KIAA0232: variants seen among roughly 807,000 people sequenced by gnomAD.
KIAA0232 encodes uncharacterized protein KIAA0232.
Under a neutral mutation model 122.0 loss-of-function variants are expected in KIAA0232, and 27 were observed. That is an observed-to-expected ratio of 0.22 (90% CI 0.16 to 0.31). The LOEUF (loss-of-function observed/expected upper bound fraction) is 0.31. Among genes scored for constraint, KIAA0232 ranks in the 10% least tolerant of loss-of-function variants. The pLI is 1.00. For synonymous variants in KIAA0232, 613 were observed against 587.6 expected, an observed-to-expected ratio of 1.04 and a Z score of -0.63; for missense variants, 1,551 against 1,634.2, an observed-to-expected ratio of 0.95 and a Z score of 0.88.
intron 4 of KIAA0232, among the ~76,000 whole-genome samples, chr4:6,853,789 T>C (rs1426016026): frequency 6.6e-6 from 1 of 152,120 alleles, no homozygotes; most frequent in Non-Finnish European, 1.5e-5. Context: ...GGATGGGAAG[T>C]ATGGAGAAGA....
intron 2 of KIAA0232, among the ~76,000 whole-genome samples, chr4:6,813,562 C>A (rs1458331952): frequency 6.6e-6 from 1 of 151,916 alleles, no homozygotes; most frequent in Admixed American, 6.6e-5. Context: ...TGGGGTTTCA[C>A]CGTGTTAGCC....
rs533845735 is a variant in KIAA0232 at position 6,880,377 on chromosome 4, C to T, written c.4009-410C>T. Reference sequence around the variant, plus strand: ...TTCCCAACACACCCGTCTGCAGTGCCCCCCTCACCATCGGTACTGTGTCAC... The same window carrying T: ...TTCCCAACACACCCGTCTGCAGTGCTCCCCTCACCATCGGTACTGTGTCAC... On this transcript the variant is annotated intron_variant, in intron 9 of 9. Transcript: ENST00000307659. 6.1e-3 allele frequency among the ~76,000 whole-genome samples: 907 copies of T among 148,164 alleles called. 36 individuals are homozygous for T. The highest frequency in any genetic ancestry group is 0.022 in the African/African-American group (842 of 38,388).
intron 2 of KIAA0232, among the ~76,000 whole-genome samples, chr4:6,822,841 A>G (rs1718485613): frequency 6.6e-6 from 1 of 150,516 alleles, no homozygotes; most frequent in Non-Finnish European, 1.5e-5. Context: ...GGTTAGTTAC[A>G]TATGTATACA....
intron 3 of KIAA0232, among the ~76,000 whole-genome samples, chr4:6,825,437 C>T (rs914900663): frequency 5.3e-5 from 8 of 151,982 alleles, no homozygotes; most frequent in Non-Finnish European, 8.8e-5. Flanking sequence ...GTAGTCAGTC[C>T]GTAGCTACTC....
At chr4:6,873,476 G>A (rs1047802153) in intron 8 of KIAA0232, among the ~76,000 whole-genome samples, 1 of 152,246 alleles carries the variant, frequency 6.6e-6, no homozygotes, top group Non-Finnish European at 1.5e-5. Context: ...GGACCTCTCA[G>A]GAAGAGCTAG....
At position 6,824,373 on chromosome 4, in the gene KIAA0232, G is replaced by A. The variant is rs752140729; in HGVS notation, c.-81G>A. On this transcript the variant is annotated 5_prime_UTR_variant, in exon 3 of 10. The change creates a new upstream start codon in the 5' untranslated region. Transcript: ENST00000307659. Reference sequence around the variant, plus strand: ...TCAAGCATCTCTACTTTTTACTGGAGTGAAAATCCCCTCCAGATACCAACA... The same window carrying A: ...TCAAGCATCTCTACTTTTTACTGGAATGAAAATCCCCTCCAGATACCAACA... 2.5e-4 allele frequency: 298 copies of A among 1,173,144 alleles called. No homozygotes were observed. Among genetic ancestry groups the A allele is most frequent in the Non-Finnish European group, 3.5e-4 (271 of 780,502 alleles). 72.7% of individuals were successfully genotyped at this position (1,173,144 alleles called of 1,614,324 possible). A position where few individuals can be genotyped will look rare whatever the true frequency, so the allele number is the denominator to read the frequency against.
At chr4:6,789,833 C>T (rs62289425) in intron 1 of KIAA0232, among the ~76,000 whole-genome samples, 24,100 of 151,688 alleles carry the variant, frequency 0.16, 2,287 homozygotes, top group East Asian at 0.27. Flanking sequence ...TTGAGATGTG[C>T]CTGGGCAACA....
At chr4:6,828,043 A>G (rs1175879276) in intron 3 of KIAA0232, among the ~76,000 whole-genome samples, 1 of 152,218 alleles carries the variant, frequency 6.6e-6, no homozygotes, top group East Asian at 1.9e-4. Context: ...TTCTGATGAA[A>G]GCAATGTCTT....
At position 6,861,130 on chromosome 4, in the gene KIAA0232, A is replaced by G. The variant is rs1403447236; in HGVS notation, c.748A>G (p.Lys250Glu). Reference sequence around the variant, plus strand: ...CACTGTGCATGAGAAAACCCAGAGCAAAAGCAAAAACGAGAAGGAAAACAA... The same window carrying G: ...CACTGTGCATGAGAAAACCCAGAGCGAAAGCAAAAACGAGAAGGAAAACAA... ...PTTVHEKTQS[K>E]SKNEKENKFS... Residue 250 changes from lysine (K) to glutamate (E), a missense_variant, in exon 7 of 10, where the codon AAA becomes GAA. This residue lies in a region of KIAA0232 where 377 missense variants were observed against 381.7 expected (regional missense o/e 0.99). Coordinates refer to ENST00000307659, the MANE Select transcript of KIAA0232 (RefSeq NM_014743.3). 6.2e-7 allele frequency: 1 copy of G among 1,614,238 alleles called. No individual in the cohort carries two copies. Among genetic ancestry groups the G allele is most frequent in the Admixed American group, 1.7e-5 (1 of 60,030 alleles).
At chr4:6,844,142 G>C (rs1338354960) in intron 4 of KIAA0232, among the ~76,000 whole-genome samples, 1 of 151,388 alleles carries the variant, frequency 6.6e-6, no homozygotes, top group African/African-American at 2.4e-5. Flanking sequence ...GGGTATCACC[G>C]TGTTAGCCAG....
intron 2 of KIAA0232, 47 bp from the exon 3 acceptor site, chr4:6,824,138 A>G (rs1718557031): frequency 2.3e-6 from 1 of 425,872 alleles, no homozygotes; most frequent in Non-Finnish European, 4.1e-6. Flanking sequence ...TCAATAATTT[A>G]TTATTTATAT....
intron 1 of KIAA0232, among the ~76,000 whole-genome samples, chr4:6,801,716 A>G (rs996713312): frequency 4.6e-5 from 7 of 152,270 alleles, no homozygotes; most frequent in Middle Eastern, 6.8e-3. Flanking sequence ...AGTGGCTTAC[A>G]GTGCTTAGGA....
Position 6,862,026 on chromosome 4 carries a change from G to C in KIAA0232, c.1644G>C (p.Glu548Asp), listed in dbSNP as rs1298937866. 6.2e-7 allele frequency: 1 copy of C among 1,614,062 alleles called. No individual in the cohort carries two copies. Among genetic ancestry groups the C allele is most frequent in the Non-Finnish European group, 8.5e-7 (1 of 1,180,044 alleles). ...AAAGCAAAGAGAACACAGATTTTGA[G>C]GCAGAATGTTGCATAGTGTTAGATG... ...RQKSKENTDF[E>D]AECCIVLDGM... Residue 548 changes from glutamate to aspartate, a missense_variant, in exon 7 of 10, where the codon GAG becomes GAC. Transcript: ENST00000307659.
intron 4 of KIAA0232, among the ~76,000 whole-genome samples, chr4:6,844,345 C>G (rs1466210665): frequency 1.3e-5 from 2 of 151,994 alleles, no homozygotes; most frequent in African/African-American, 2.4e-5. Context: ...TTTAAAAAAG[C>G]CTACCCTTTC....
chr4:6,843,116 T>G (rs1395451378), intron 4 of KIAA0232, among the ~76,000 whole-genome samples: 2 of 152,246 alleles, frequency 1.3e-5, no homozygotes, highest in Admixed American at 6.5e-5. Context: ...TTCAGTTTCC[T>G]GAAATAACAA....
chr4:6,871,458 A>C, intron 7 of KIAA0232, 116 bp from the exon 8 acceptor site: 2 of 630,336 alleles, frequency 3.2e-6, no homozygotes, highest in Non-Finnish European at 5.6e-6. Context: ...AAAAATCAAA[A>C]AACCTCACCA....
chr4:6,860,904 C>T lies in KIAA0232; in HGVS notation c.522C>T (p.Tyr174=), dbSNP rs774543310. Residue 174 remains tyrosine, a synonymous_variant, in exon 7 of 10, where the codon TAC becomes TAT. Transcript: ENST00000307659. ...AAGTCTTTACTCTGTTTTTCAGGTACTATGAAGCATTTCCACCACTTTCTG... is the reference window on the plus strand; with the variant it reads ...AAGTCTTTACTCTGTTTTTCAGGTATTATGAAGCATTTCCACCACTTTCTG... ...SPPAKDQVEM[Y]YEAFPPLSEK... is the part of the protein sequence containing the mutation. The T allele has an allele frequency of 4.3e-6, 7 of 1,612,322 alleles. No homozygotes were observed. In the South Asian group the frequency reaches 4.4e-5, roughly 10 times the overall value.
chr4:6,876,149 T>TCTATGAATA (rs1180197158), intron 8 of KIAA0232, among the ~76,000 whole-genome samples: 2 of 152,234 alleles, frequency 1.3e-5, no homozygotes, highest in East Asian at 3.8e-4. Flanking sequence ...ATGTGATACA[T>TCTATGAATA]GGTTCAGTAT....
chr4:6,871,392 C>T (rs1365134065), intron 7 of KIAA0232, among the ~76,000 whole-genome samples, 182 bp from the exon 8 acceptor site: 1 of 152,160 alleles, frequency 6.6e-6, no homozygotes, highest in East Asian at 1.9e-4. Flanking sequence ...CAAGATCGTG[C>T]CACTACACTC....
Sources: gnomAD v4.1 joint callset for allele counts (sites outside exome capture counted in the v4.1 genomes callset) on GRCh38, gnomAD v4.1.1 for gene constraint, gnomAD v4.1.1 regional missense constraint, MANE v1.5 for transcripts, NCBI Gene and HGNC (gene_info 2026-07-23, HGNC 2026-07-21) for gene names.